CLRN1: variants seen among roughly 807,000 people sequenced by gnomAD.
CLRN1 encodes clarin-1.
CLRN1 carries 15 observed loss-of-function variants against 18.7 expected under a neutral mutation model. The observed-to-expected ratio is 0.80, with a 90% CI of 0.54 to 1.23. The LOEUF (loss-of-function observed/expected upper bound fraction) is 1.23. CLRN1 is among the 50% of genes most tolerant of loss of function. The pLI, the probability that CLRN1 is intolerant of heterozygous loss-of-function variation, is 0.00. For synonymous variants in CLRN1, 104 were observed against 102.9 expected (o/e 1.01, Z -0.07); for missense variants, 311 against 277.5 (o/e 1.12, Z -0.86).
chr3:150,957,999 T>G (rs1168366988), intron 1 of CLRN1, among the ~76,000 whole-genome samples: 3 of 152,120 alleles, frequency 2.0e-5, no homozygotes, highest in African/African-American at 7.2e-5. Context: ...CCCTGGGAAA[T>G]CTCATCTTCA....
At chr3:150,947,438 G>A (rs746974371) in intron 1 of CLRN1, among the ~76,000 whole-genome samples, 3 of 152,146 alleles carry the variant, frequency 2.0e-5, no homozygotes, top group Non-Finnish European at 2.9e-5. Flanking sequence ...AAGAGACATA[G>A]ACTCCCACAC....
intron 2 of CLRN1, among the ~76,000 whole-genome samples, chr3:150,929,948 C>T (rs1427591279): frequency 6.6e-6 from 1 of 152,126 alleles, no homozygotes; most frequent in Non-Finnish European, 1.5e-5. Flanking sequence ...TCCAAATATC[C>T]TAGGAGTGGC....
intron 2 of CLRN1, among the ~76,000 whole-genome samples, chr3:150,935,825 A>G (rs1363488922): frequency 7.6e-6 from 1 of 131,820 alleles, no homozygotes; most frequent in African/African-American, 2.7e-5. Context: ...TGACTTTTTA[A>G]TGATTGCCAT....
chr3:150,947,491 T>A (rs1714239521), intron 1 of CLRN1, among the ~76,000 whole-genome samples: 1 of 152,108 alleles, frequency 6.6e-6, no homozygotes, highest in Non-Finnish European at 1.5e-5. Flanking sequence ...CAGTATTAGA[T>A]CATGGAGGCA....
At chr3:150,931,854 C>T (rs958807816) in intron 2 of CLRN1, among the ~76,000 whole-genome samples, 2 of 152,142 alleles carry the variant, frequency 1.3e-5, no homozygotes, top group African/African-American at 4.8e-5. Flanking sequence ...ATCTGACCAA[C>T]ACTGCTCCTG....
chr3:150,940,581 T>G, intron 2 of CLRN1: 1 of 1,471,656 alleles, frequency 6.8e-7, no homozygotes, highest in Non-Finnish European at 9.2e-7. Flanking sequence ...TTTGTGTGAG[T>G]TGTTATCGTT....
At chr3:150,971,879 A>G (rs769799078) in intron 1 of CLRN1, among the ~76,000 whole-genome samples, 7 of 152,250 alleles carry the variant, frequency 4.6e-5, no homozygotes, top group African/African-American at 1.4e-4. Flanking sequence ...AATGTTCTAT[A>G]CTAAATAGGC....
chr3:150,951,838 C>T (rs1714497610), intron 1 of CLRN1, among the ~76,000 whole-genome samples: 1 of 152,062 alleles, frequency 6.6e-6, no homozygotes, highest in African/African-American at 2.4e-5. Context: ...ACAACCAGAT[C>T]GCATGAGAAC....
intron 1 of CLRN1, among the ~76,000 whole-genome samples, chr3:150,969,835 G>T (rs1407700337): frequency 1.3e-5 from 2 of 152,072 alleles, no homozygotes; most frequent in Admixed American, 1.3e-4. Flanking sequence ...AATTAGCTGG[G>T]CATGGTGGTG....
At chr3:150,936,921 G>A (rs1713525042) in intron 2 of CLRN1, among the ~76,000 whole-genome samples, 1 of 152,092 alleles carries the variant, frequency 6.6e-6, no homozygotes. Context: ...AAGGTTCTCA[G>A]TTCCTTCTTA....
intron 1 of CLRN1, among the ~76,000 whole-genome samples, chr3:150,943,245 C>T (rs1713961695): frequency 6.6e-6 from 1 of 152,160 alleles, no homozygotes; most frequent in South Asian, 2.1e-4. Flanking sequence ...ACCTGCAGCC[C>T]AAAGTGAGAA....
chr3:150,929,729 TCA>T (rs1713038904), intron 2 of CLRN1, among the ~76,000 whole-genome samples: 1 of 152,238 alleles, frequency 6.6e-6, no homozygotes, highest in African/African-American at 2.4e-5. Context: ...CAATTTGGTT[TCA>T]AATCCTGATT....
intron 1 of CLRN1, among the ~76,000 whole-genome samples, chr3:150,953,025 C>T (rs1387490244): frequency 6.6e-6 from 1 of 152,164 alleles, no homozygotes; most frequent in African/African-American, 2.4e-5. Context: ...TTCTGACCAA[C>T]ACTAATTTGA....
At chr3:150,967,076 G>A (rs1290371940) in intron 1 of CLRN1, among the ~76,000 whole-genome samples, 2 of 152,132 alleles carry the variant, frequency 1.3e-5, no homozygotes, top group Non-Finnish European at 2.9e-5. Flanking sequence ...TCAAATCCAG[G>A]TTGCTTAATT....
chr3:150,941,736 G>A lies in CLRN1; in HGVS notation c.279C>T (p.Ile93=). 1 of 1,614,008 alleles carries A rather than the reference G, an allele frequency of 6.2e-7. No homozygotes were observed. Among genetic ancestry groups the A allele is most frequent in the Non-Finnish European group, 8.5e-7 (1 of 1,179,918 alleles). ...FSFFPDLLKA[I]PVSIHVNVIL... is the part of the protein sequence containing the mutation. Reference sequence around the variant, plus strand: ...TGACATTGACGTGGATGCTCACTGGGATTGCTTTGAGCAAATCTGGAAAAA... The same window carrying A: ...TGACATTGACGTGGATGCTCACTGGAATTGCTTTGAGCAAATCTGGAAAAA... Residue 93 remains isoleucine, a synonymous_variant, in exon 2 of 3, where the codon ATC becomes ATT. Coordinates refer to ENST00000327047, the MANE Select transcript of CLRN1 (RefSeq NM_174878.3).
Position 150,927,057 on chromosome 3 carries a change from C to A in CLRN1, c.*879G>T. The A allele has an allele frequency of 1.0e-6, 1 of 993,444 alleles. No homozygotes were observed. The highest frequency in any genetic ancestry group is 2.0e-5 in the Admixed American group (1 of 50,194). 61.5% of individuals were successfully genotyped at this position (993,444 alleles called of 1,614,324 possible). A position where few individuals can be genotyped will look rare whatever the true frequency, so the allele number is the denominator to read the frequency against. On this transcript the variant is annotated 3_prime_UTR_variant, in exon 3 of 3. Transcript: ENST00000327047. ...GCTAGAAAAACAGCCCCTAATAAGT[C>A]ATTTTGCATCAAATGTACTAAGCAG...
Position 150,972,471 on chromosome 3 carries a change from G to A in CLRN1, c.238C>T (p.Pro80Ser). The A allele has an allele frequency of 1.9e-6, 3 of 1,614,054 alleles. No individual in the cohort carries two copies. The highest frequency in any genetic ancestry group is 2.5e-6 in the Non-Finnish European group (3 of 1,180,014). The change falls in exon 1 of 3, where the codon CCC becomes TCC. Residue 80 changes from proline to serine, a missense_variant. Coordinates refer to ENST00000327047, the MANE Select transcript of CLRN1 (RefSeq NM_174878.3). ...GVRQCGLGAR[P>S]FRFSFFPDLL... ...TGCTACTTACATGAGAACCGAAAGG[G>A]CCTTGCTCCCAACCCACACTGCCTC...
Position 150,935,729 on chromosome 3 carries a change from C to T in CLRN1, c.433+5853G>A, listed in dbSNP as rs1713443081. 1.3e-5 allele frequency among the ~76,000 whole-genome samples: 2 copies of T among 151,422 alleles called. 1 individual carries two copies. Among genetic ancestry groups the T allele is most frequent in the South Asian group, 4.2e-4 (2 of 4,718 alleles). On this transcript the variant is annotated intron_variant, in intron 2 of 2. Transcript: ENST00000327047. ...CCTGAGGAATCGCCACAATGACTTC[C>T]CCAATGGTTGAACTAGTTTATAGTC...
In CLRN1 at chr3:150,941,706, G is replaced by T; in HGVS notation, c.309C>A (p.Leu103=). 1 of 1,614,082 alleles carries T rather than the reference G, an allele frequency of 6.2e-7. No individual in the cohort carries two copies. ...TTAACACAATAAGGATGGCAGAGAA[G>T]AGAATGACATTGACGTGGATGCTCA... The part of the protein sequence containing the change: ...IPVSIHVNVI[L]FSAILIVLTM... Residue 103 remains leucine, a synonymous_variant, in exon 2 of 3, where the codon CTC becomes CTA. Transcript: ENST00000327047.
Sources: gnomAD v4.1 joint callset for allele counts (sites outside exome capture counted in the v4.1 genomes callset) on GRCh38, gnomAD v4.1.1 for gene constraint, MANE v1.5 for transcripts, NCBI Gene and HGNC (gene_info 2026-07-23, HGNC 2026-07-21) for gene names.